Variants in NOL4 observed in about 807,000 individuals in gnomAD.
NOL4 encodes the protein nucleolar protein 4.
In NOL4, 17 loss-of-function variants were observed where a neutral mutation model predicts 75.9. That is an observed-to-expected ratio of 0.22 (90% CI 0.15 to 0.34). NOL4 has a LOEUF of 0.34. Among genes scored for constraint, NOL4 ranks in the 10% least tolerant of loss-of-function variants. The probability of loss-of-function intolerance (pLI) is 1.00; values close to 1 mark genes in which losing one functional copy is unlikely to be tolerated. For synonymous variants in NOL4, 292 were observed against 289.9 expected, an observed-to-expected ratio of 1.01 and a Z score of -0.07; for missense variants, 614 against 793.5, an observed-to-expected ratio of 0.77 and a Z score of 2.72.
chr18:34,208,719 G>A (rs1260475368), intron 1 of NOL4, among the ~76,000 whole-genome samples: 3 of 151,872 alleles, frequency 2.0e-5, no homozygotes, highest in Non-Finnish European at 4.4e-5. Context: ...AAAATGATCC[G>A]GGCATGGTGG....
At chr18:33,978,702 A>G (rs1257258290) in intron 6 of NOL4, among the ~76,000 whole-genome samples, 1 of 152,114 alleles carries the variant, frequency 6.6e-6, no homozygotes, top group Non-Finnish European at 1.5e-5. Context: ...TAAATGGCAT[A>G]GTATTTGCAT....
chr18:34,013,363 C>T (rs2074488801), intron 6 of NOL4, among the ~76,000 whole-genome samples: 1 of 151,864 alleles, frequency 6.6e-6, no homozygotes, highest in Non-Finnish European at 1.5e-5. Flanking sequence ...CTTCTCCCTT[C>T]TTATGCCACC....
At chr18:34,046,911 C>T (rs1329632057) in intron 5 of NOL4, among the ~76,000 whole-genome samples, 1 of 151,852 alleles carries the variant, frequency 6.6e-6, no homozygotes, top group Non-Finnish European at 1.5e-5. Context: ...CTATCCCGAA[C>T]TACTAATAGA....
intron 5 of NOL4, among the ~76,000 whole-genome samples, chr18:34,071,897 C>A (rs1208823262): frequency 2.0e-5 from 3 of 152,126 alleles, no homozygotes; most frequent in East Asian, 1.9e-4. Flanking sequence ...TATATGATAA[C>A]CTACAGAGCT....
intron 5 of NOL4, among the ~76,000 whole-genome samples, chr18:34,064,014 T>A (rs901573368): frequency 6.6e-6 from 1 of 152,068 alleles, no homozygotes; most frequent in Non-Finnish European, 1.5e-5. Context: ...CACTGACTGG[T>A]ATAATTGAGT....
chr18:34,061,147 AATGTT>A (rs2077049395), intron 5 of NOL4, among the ~76,000 whole-genome samples: 1 of 152,168 alleles, frequency 6.6e-6, no homozygotes, highest in Non-Finnish European at 1.5e-5. Flanking sequence ...CACTCACTTA[AATGTT>A]ATAAGATATA....
intron 6 of NOL4, among the ~76,000 whole-genome samples, chr18:33,968,946 C>T (rs1382826585): frequency 6.6e-6 from 1 of 152,102 alleles, no homozygotes; most frequent in Non-Finnish European, 1.5e-5. Flanking sequence ...TTTATTCTGT[C>T]TAATGAAAAT....
chr18:34,068,244 T>C (rs1020192092), intron 5 of NOL4, among the ~76,000 whole-genome samples: 4 of 151,936 alleles, frequency 2.6e-5, no homozygotes, highest in African/African-American at 4.8e-5. Flanking sequence ...TGTGGCAAAA[T>C]GGTTAAAAAA....
intron 9 of NOL4, among the ~76,000 whole-genome samples, chr18:33,924,171 A>G (rs2067195688): frequency 6.6e-6 from 1 of 152,222 alleles, no homozygotes; most frequent in Admixed American, 6.5e-5. Flanking sequence ...TATGACAACT[A>G]TCGGGGGCAA....
Position 33,863,467 on chromosome 18 carries a change from T to C in NOL4, c.1724-10432A>G, listed in dbSNP as rs2063277209. Among the ~76,000 whole-genome samples, 4 of 152,302 alleles carry C rather than the reference T, an allele frequency of 2.6e-5. No homozygotes were observed. The South Asian group carries it at 8.3e-4, about 32-fold the overall frequency. ...CCAAGATACAGTGGGGATACAGGCA[T>C]TGCATAAATGCTTTCATTCCAAATG... is the stretch of plus-strand genomic sequence containing the variant. On this transcript the variant is annotated intron_variant, in intron 10 of 10. Transcript: ENST00000261592.
intron 10 of NOL4, among the ~76,000 whole-genome samples, chr18:33,879,096 T>G (rs1025698282): frequency 6.6e-6 from 1 of 152,118 alleles, no homozygotes; most frequent in African/African-American, 2.4e-5. Flanking sequence ...TTGCATCACT[T>G]TTCTTTTAAT....
intron 1 of NOL4, among the ~76,000 whole-genome samples, chr18:34,187,547 C>T (rs1214674766): frequency 1.3e-5 from 2 of 151,908 alleles, no homozygotes; most frequent in Non-Finnish European, 2.9e-5. Flanking sequence ...CCACCACACT[C>T]GGCTACTTTT....
chr18:33,937,925 T>A (rs1357468153), intron 9 of NOL4, among the ~76,000 whole-genome samples: 1 of 152,092 alleles, frequency 6.6e-6, no homozygotes. Context: ...CTAGTTATAG[T>A]AAAGTACAAA....
At chr18:33,981,305 A>T (rs149653940) in intron 6 of NOL4, among the ~76,000 whole-genome samples, 17 of 151,764 alleles carry the variant, frequency 1.1e-4, no homozygotes, top group Non-Finnish European at 2.4e-4. Flanking sequence ...AAAAAAAAAA[A>T]TGTCAAACAC....
At chr18:34,040,018 T>A (rs749133009) in intron 5 of NOL4, among the ~76,000 whole-genome samples, 1 of 152,022 alleles carries the variant, frequency 6.6e-6, no homozygotes, top group Non-Finnish European at 1.5e-5. Context: ...GGCTAAGATA[T>A]GGTGTTAAGT....
intron 1 of NOL4, among the ~76,000 whole-genome samples, chr18:34,220,728 A>G (rs142913443): frequency 1.7e-3 from 253 of 152,294 alleles, no homozygotes; most frequent in African/African-American, 5.9e-3. Flanking sequence ...TCATAAATTA[A>G]AAACCTCTTC....
At chr18:34,135,549 T>C (rs1251441542) in intron 1 of NOL4, among the ~76,000 whole-genome samples, 2 of 151,554 alleles carry the variant, frequency 1.3e-5, no homozygotes, top group East Asian at 3.9e-4. Flanking sequence ...TACAAAAAAT[T>C]AGCCAGGTGT....
chr18:34,060,037 A>G (rs1271611431), intron 5 of NOL4, among the ~76,000 whole-genome samples: 1 of 152,204 alleles, frequency 6.6e-6, no homozygotes, highest in African/African-American at 2.4e-5. Context: ...GAGAAGCAGA[A>G]GCATCACCAG....
intron 5 of NOL4, among the ~76,000 whole-genome samples, chr18:34,092,113 T>C (rs182008049): frequency 1.2e-4 from 19 of 152,002 alleles, no homozygotes; most frequent in Admixed American, 1.0e-3. Context: ...GTTAAATGCA[T>C]AAGCAAATTA....
Sources: allele counts gnomAD v4.1 joint callset (sites outside exome capture counted in the v4.1 genomes callset), GRCh38; gene constraint gnomAD v4.1.1; transcripts MANE v1.5; gene names NCBI Gene and HGNC (gene_info 2026-07-23, HGNC 2026-07-21).